The following TSHZ3 variants were observed in gnomAD, a reference collection of about 807,000 sequenced individuals.
TSHZ3 encodes teashirt homolog 3.
A neutral mutation model predicts 64.5 loss-of-function variants in TSHZ3; 10 were observed. That is an observed-to-expected ratio of 0.16 (90% confidence interval 0.10 to 0.26). The LOEUF is 0.26. Ranked by LOEUF, TSHZ3 falls within the 10% of genes least tolerant of loss-of-function variation. The pLI, the probability that TSHZ3 is intolerant of heterozygous loss-of-function variation, is 1.00. For synonymous variants in TSHZ3, 608 were observed against 593.1 expected, an observed-to-expected ratio of 1.03 and a Z score of -0.36; for missense variants, 1,242 against 1,421.7, an observed-to-expected ratio of 0.87 and a Z score of 2.03.
At position 31,349,302 on chromosome 19, in the gene TSHZ3, G is replaced by A. The variant is rs993647676; in HGVS notation, c.-83C>T. The A allele has an allele frequency of 2.8e-5, 38 of 1,374,624 alleles. No individual in the cohort carries two copies. Among genetic ancestry groups the A allele is most frequent in the Non-Finnish European group, 3.6e-5 (37 of 1,040,696 alleles). The allele number at this position is 1,374,624 out of a possible 1,614,324, so 85.2% of individuals were successfully genotyped here. A position where few individuals can be genotyped will look rare whatever the true frequency, so the allele number is the denominator to read the frequency against. On this transcript the variant is annotated 5_prime_UTR_variant, in exon 1 of 2. Transcript: ENST00000240587. ...GGGAGGGAGGGGGCGGCGGGCCCGC[G>A]GGGGGGCGAGGCGGGCCTGCTCTCA...
At chr19:31,191,374 C>G (rs1010412007) in intron 5 of TSHZ3, among the ~76,000 whole-genome samples, 5 of 152,074 alleles carry the variant, frequency 3.3e-5, no homozygotes, top group Non-Finnish European at 5.9e-5. Context: ...CAAGTTATAA[C>G]ACAATGGAAT....
chr19:31,279,167 G>A lies in TSHZ3; in HGVS notation c.626C>T (p.Thr209Met), dbSNP rs1210168815. Residue 209 changes from threonine (T) to methionine (M), a missense_variant, in exon 2 of 2, where the codon ACG (threonine) becomes ATG (methionine). Physicochemically the swap from Thr to Met is moderately conservative, Grantham distance 81. Transcript: ENST00000240587. This position sits in a 1 kb window ranked among gnomAD's most constrained non-coding sequence, Gnocchi z 6.4. Reference sequence around the variant, plus strand: ...CTTACAGCGGAACTTGCTGGCCCCCGTGAAGATGGAGCCATAGAGCTTGCT... The same window carrying A: ...CTTACAGCGGAACTTGCTGGCCCCCATGAAGATGGAGCCATAGAGCTTGCT... ...QSSKLYGSIF[T>M]GASKFRCKDC... is the part of the protein sequence containing the mutation. 29 of 1,612,884 alleles carry A rather than the reference G, an allele frequency of 1.8e-5. No homozygotes were observed. The highest frequency in any genetic ancestry group is 3.3e-5 in the South Asian group (3 of 91,076).
rs1396818417 is a variant in TSHZ3 at position 31,158,586 on chromosome 19, G to T, written n.810-2169C>A. Among the ~76,000 whole-genome samples the T allele has an allele frequency of 2.0e-5, 3 of 152,190 alleles. 1 individual carries two copies. The South Asian group carries it at 6.2e-4, about 32-fold the overall frequency. ...CAAGGTTTCCACGAGCCAGAGTTGG[G>T]GATGGTTTCAGGATGATTCAAAAAT... On this transcript the variant is annotated intron_variant and non_coding_transcript_variant, in intron 5 of 6. Coordinates refer to the TSHZ3 transcript ENST00000651361.
At chr19:31,266,495 C>T (rs967696068) in intron 1 of TSHZ3, among the ~76,000 whole-genome samples, 1 of 152,046 alleles carries the variant, frequency 6.6e-6, no homozygotes, top group Non-Finnish European at 1.5e-5. Flanking sequence ...CTTATTCCCC[C>T]TTTGGCAAAT....
intron 3 of TSHZ3, among the ~76,000 whole-genome samples, chr19:31,240,601 G>T (rs1222028097): frequency 6.6e-6 from 1 of 152,138 alleles, no homozygotes; most frequent in Non-Finnish European, 1.5e-5. Flanking sequence ...TATAGCTTTA[G>T]TAGTACAGAT....
chr19:31,243,950 A>G (rs755106500), intron 1 of TSHZ3, among the ~76,000 whole-genome samples: 3 of 152,196 alleles, frequency 2.0e-5, no homozygotes, highest in Non-Finnish European at 2.9e-5. Flanking sequence ...TTTTTAAAGT[A>G]GACTTGAGCT....
chr19:31,244,182 G>A (rs367919575), intron 1 of TSHZ3, among the ~76,000 whole-genome samples: 1 of 152,274 alleles, frequency 6.6e-6, no homozygotes, highest in Non-Finnish European at 1.5e-5. Context: ...TGTTGGAGGT[G>A]GGGCCTGGTG....
chr19:31,314,463 C>A (rs1916550278), intron 1 of TSHZ3, among the ~76,000 whole-genome samples: 1 of 152,240 alleles, frequency 6.6e-6, no homozygotes. Flanking sequence ...TCTGGCTGCT[C>A]ACCTCCTTCT....
chr19:31,276,504 T>G lies in TSHZ3; in HGVS notation c.*43A>C, dbSNP rs373715798. The stretch of plus-strand genomic sequence containing the variant: ...GGGGCCTGAAGGTGCCTTCCACAGT[T>G]TCCCTCAAAGCAAACTGCAGTCCTT... On this transcript the variant is annotated 3_prime_UTR_variant, in exon 2 of 2. Transcript: ENST00000240587. The G allele has an allele frequency of 2.0e-5, 30 of 1,511,094 alleles. No homozygotes were observed. Among genetic ancestry groups the G allele is most frequent in the Middle Eastern group, 1.8e-4 (1 of 5,604 alleles). 93.6% of individuals were successfully genotyped at this position (1,511,094 alleles called of 1,614,324 possible).
intron 5 of TSHZ3, among the ~76,000 whole-genome samples, chr19:31,200,428 A>G (rs1259440889): frequency 6.6e-6 from 1 of 152,226 alleles, no homozygotes; most frequent in African/African-American, 2.4e-5. Context: ...CCATAAAAAG[A>G]TACATAGAAA....
chr19:31,221,814 C>CA (rs1975397758), intron 4 of TSHZ3, among the ~76,000 whole-genome samples: 1 of 152,212 alleles, frequency 6.6e-6, no homozygotes, highest in Non-Finnish European at 1.5e-5. Flanking sequence ...ATAATCCCTT[C>CA]ACCTTACTTT....
At chr19:31,343,460 C>T (rs1482126499) in intron 1 of TSHZ3, among the ~76,000 whole-genome samples, 1 of 151,984 alleles carries the variant, frequency 6.6e-6, no homozygotes, top group Non-Finnish European at 1.5e-5. Context: ...GCTGATCAAA[C>T]TAAGTGCATG....
chr19:31,272,462 T>A (rs1167061131), downstream of TSHZ3, among the ~76,000 whole-genome samples: 1 of 152,164 alleles, frequency 6.6e-6, no homozygotes, highest in Non-Finnish European at 1.5e-5. Context: ...ATATATTTTT[T>A]CCTTTTGCAG....
chr19:31,166,765 A>C (rs1422969654), intron 5 of TSHZ3, among the ~76,000 whole-genome samples: 1 of 152,158 alleles, frequency 6.6e-6, no homozygotes, highest in Non-Finnish European at 1.5e-5. Context: ...AGCTTCCCCA[A>C]AAGACTATAT....
At position 31,151,506 on chromosome 19, in the gene TSHZ3, G is replaced by A. The variant is rs574911661; in HGVS notation, n.1110C>T. On this transcript the variant is annotated non_coding_transcript_exon_variant, in exon 7 of 7. Coordinates refer to the TSHZ3 transcript ENST00000651361. ...AAATTATCAAAGAAATTGTTTAAAC[G>A]TTGTACACATAGGATGGTTGAGGGA... Among the ~76,000 whole-genome samples the A allele has an allele frequency of 2.0e-5, 3 of 152,252 alleles. 1 individual carries two copies. Among genetic ancestry groups the A allele is most frequent in the African/African-American group, 7.2e-5 (3 of 41,534 alleles).
chr19:31,292,206 G>A (rs866765374), intron 1 of TSHZ3, among the ~76,000 whole-genome samples: 13 of 152,310 alleles, frequency 8.5e-5, no homozygotes, highest in Admixed American at 2.0e-4. Context: ...TCTCATCTTG[G>A]TGGAATAGGA....
chr19:31,314,839 C>T (rs898888039), intron 1 of TSHZ3, among the ~76,000 whole-genome samples: 2 of 152,182 alleles, frequency 1.3e-5, no homozygotes, highest in Non-Finnish European at 2.9e-5. Flanking sequence ...AATTTGGGGG[C>T]ACAGCTCCAG....
chr19:31,290,209 G>A (rs896812294), intron 1 of TSHZ3, among the ~76,000 whole-genome samples: 2 of 152,168 alleles, frequency 1.3e-5, no homozygotes, highest in African/African-American at 2.4e-5. Flanking sequence ...CCTGGTGGGT[G>A]TGAGGGATAG....
At chr19:31,217,905 T>C (rs1483736510) in intron 4 of TSHZ3, among the ~76,000 whole-genome samples, 3 of 152,174 alleles carry the variant, frequency 2.0e-5, no homozygotes, top group Admixed American at 2.0e-4. Flanking sequence ...GTTGGAATGA[T>C]ACAGTATGTA....
Sources: allele counts gnomAD v4.1 joint callset (sites outside exome capture counted in the v4.1 genomes callset), GRCh38; gene constraint gnomAD v4.1.1; non-coding constraint Gnocchi (gnomAD v3.1); transcripts MANE v1.5; gene names NCBI Gene and HGNC (gene_info 2026-07-23, HGNC 2026-07-21).